Variants in DYNC2H1 observed in about 807,000 individuals in gnomAD.
DYNC2H1 encodes the protein dynein cytoplasmic 2 heavy chain 1, also known as cytoplasmic dynein 2 heavy chain 1.
A neutral mutation model predicts 570.0 loss-of-function variants in DYNC2H1; 410 were observed. The ratio of observed to expected loss-of-function variants is 0.72; its 90% CI spans 0.66 to 0.78. The LOEUF is 0.78. Ranked by LOEUF, DYNC2H1 falls within the 30% of genes least tolerant of loss-of-function variation. The probability of loss-of-function intolerance (pLI) is 0.00; values close to 1 mark genes in which losing one functional copy is unlikely to be tolerated. For missense variants in DYNC2H1, 4,865 were observed against 5,046.4 expected, an observed-to-expected ratio of 0.96 and a Z score of 1.09; for synonymous variants, 1,688 against 1,677.6, an observed-to-expected ratio of 1.01 and a Z score of -0.15.
chr11:103,167,013 A>AT (rs1467907197), intron 31 of DYNC2H1, among the ~76,000 whole-genome samples: 2 of 48,466 alleles, frequency 4.1e-5, no homozygotes, highest in African/African-American at 8.0e-5. Flanking sequence ...TTTTTTTTTG[A>AT]TTTTTCCTCT....
chr11:103,156,570 C>T lies in DYNC2H1; in HGVS notation c.3927C>T (p.Leu1309=), dbSNP rs1471816789. The change falls in exon 26 of 89, where the codon CTC becomes CTT. Residue 1309 remains leucine, a synonymous_variant. Coordinates refer to ENST00000375735, the MANE Select transcript of DYNC2H1 (RefSeq NM_001377.3). ...AGGTTGGAGATAATAGATGCCTTCT[C>T]CAATCCTTAAAGGATTCTCCTTATT... ...VNQVGDNRCL[L]QSLKDSPYYK... The T allele has an allele frequency of 1.9e-6, 3 of 1,613,506 alleles. No individual in the cohort carries two copies. The highest frequency in any genetic ancestry group is 3.3e-5 in the Admixed American group (2 of 59,962).
chr11:103,265,175 C>T (rs1865459961), intron 70 of DYNC2H1, among the ~76,000 whole-genome samples: 1 of 152,062 alleles, frequency 6.6e-6, no homozygotes, highest in African/African-American at 2.4e-5. Flanking sequence ...AACACATGGA[C>T]ACAGAGAGGG....
rs1565479868 is a variant in DYNC2H1 at position 103,304,644 on chromosome 11, A to C, written c.11306A>C (p.Glu3769Ala). The change falls in exon 77 of 89, where the codon GAA (glutamate) becomes GCA (alanine). Residue 3769 changes from glutamate to alanine, a missense_variant. Around this residue, in one of 5 missense-constraint regions of DYNC2H1, gnomAD observed 2,401 missense variants for 2,454.6 expected, o/e 0.98. Coordinates refer to ENST00000375735, the MANE Select transcript of DYNC2H1 (RefSeq NM_001377.3). ...QADLAIQMLK[E>A]CARNGDWLCL... ...GATTTAGCAATTCAAATGCTAAAAG[A>C]ATGTGCCCGCAATGGAGACTGGCTC... The C allele has an allele frequency of 6.2e-7, 1 of 1,613,338 alleles. No individual in the cohort carries two copies. The highest frequency in any genetic ancestry group is 1.3e-5 in the African/African-American group (1 of 74,896).
intron 75 of DYNC2H1, among the ~76,000 whole-genome samples, chr11:103,288,879 T>TAAAA (rs1866469430): frequency 1.2e-5 from 1 of 86,632 alleles, no homozygotes; most frequent in African/African-American, 5.0e-5. Context: ...AGACTCAATC[T>TAAAA]CAAAAAAAAA....
chr11:103,207,613 C>A (rs1199691187), intron 52 of DYNC2H1, among the ~76,000 whole-genome samples: 1 of 151,810 alleles, frequency 6.6e-6, no homozygotes, highest in East Asian at 1.9e-4. Flanking sequence ...TAAAGAGACA[C>A]AAGAAGACAT....
At position 103,325,987 on chromosome 11, in the gene DYNC2H1, G is replaced by A. The variant is rs1938448563; in HGVS notation, c.12039+1997G>A. The stretch of plus-strand genomic sequence containing the variant: ...CGTTCCTTTAACTCTGATGCAAGTT[G>A]GGTGCACTCAGTTGGGTTTGGTTTG... On this transcript the variant is annotated intron_variant, in intron 82 of 88. Transcript: ENST00000375735. The surrounding 1 kb of genome is among the most constrained non-coding windows in gnomAD (Gnocchi z 4.8). Among the ~76,000 whole-genome samples, 1 of 152,084 alleles carries A rather than the reference G, an allele frequency of 6.6e-6. No homozygotes were observed. Among genetic ancestry groups the A allele is most frequent in the Non-Finnish European group, 1.5e-5 (1 of 68,016 alleles).
intron 70 of DYNC2H1, among the ~76,000 whole-genome samples, chr11:103,278,860 C>T (rs1050038444): frequency 6.6e-6 from 1 of 150,876 alleles, no homozygotes; most frequent in Admixed American, 6.6e-5. Flanking sequence ...AGCCACCATG[C>T]CTGGCCCTGT....
chr11:103,114,097 A>G lies in DYNC2H1; in HGVS notation c.367-6A>G. 1 of 1,608,312 alleles carries G rather than the reference A, an allele frequency of 6.2e-7. No homozygotes were observed. The highest frequency in any genetic ancestry group is 1.1e-5 in the South Asian group (1 of 89,836). ...ATCTTGGTTGCTCTTGTCTGTTTTTATTTAGGATCAGGAATGGAGCAGAAA... is the reference window on the plus strand; with the variant it reads ...ATCTTGGTTGCTCTTGTCTGTTTTTGTTTAGGATCAGGAATGGAGCAGAAA... On this transcript the variant is annotated splice_polypyrimidine_tract_variant and splice_region_variant and intron_variant, in intron 2 of 88. Coordinates refer to ENST00000375735, the MANE Select transcript of DYNC2H1 (RefSeq NM_001377.3).
At chr11:103,125,808 CT>C (rs1858968007) in intron 12 of DYNC2H1, among the ~76,000 whole-genome samples, 1 of 152,326 alleles carries the variant, frequency 6.6e-6, no homozygotes, top group Non-Finnish European at 1.5e-5. Context: ...TGGTTTTGGC[CT>C]TTACTACTTA....
chr11:103,191,976 TCCA>T, intron 46 of DYNC2H1, 118 bp from the exon 47 acceptor site: 1 of 735,774 alleles, frequency 1.4e-6, no homozygotes, highest in Admixed American at 3.7e-5. Context: ...TTTCCTTTCT[TCCA>T]TTTATCTGAT....
rs1565389213 is a variant in DYNC2H1 at position 103,199,228 on chromosome 11, G to A, written c.7840G>A (p.Gly2614Ser). 2 of 1,522,888 alleles carry A rather than the reference G, an allele frequency of 1.3e-6. No individual in the cohort carries two copies. Among genetic ancestry groups the A allele is most frequent in the Non-Finnish European group, 1.8e-6 (2 of 1,126,324 alleles). The allele number at this position is 1,522,888 out of a possible 1,614,324, so 94.3% of individuals were successfully genotyped here. A position where few individuals can be genotyped will look rare whatever the true frequency, so the allele number is the denominator to read the frequency against. ...STDLKDVIKK[G>S]LIHYGRDNQN... ...TAAAATATTCTGATTTTTTTAAAAG[G>A]GTCTTATTCATTATGGACGAGATAA... The change falls in exon 49 of 89, where the codon GGT (glycine) becomes AGT (serine). Residue 2614 changes from glycine (G) to serine (S), a missense_variant and splice_region_variant. By Grantham distance (56) the Gly-to-Ser change is moderately conservative. Around this residue, in one of 5 missense-constraint regions of DYNC2H1, gnomAD observed 2,401 missense variants for 2,454.6 expected, o/e 0.98. Transcript: ENST00000375735. The surrounding 1 kb of genome is among the most constrained non-coding windows in gnomAD (Gnocchi z 4.6).
intron 59 of DYNC2H1, among the ~76,000 whole-genome samples, chr11:103,226,053 C>A (rs567508074): frequency 6.6e-6 from 1 of 151,978 alleles, no homozygotes; most frequent in East Asian, 1.9e-4. Context: ...GATTTGTGTA[C>A]ATGAATTTTA....
intron 83 of DYNC2H1, among the ~76,000 whole-genome samples, chr11:103,399,459 A>G (rs940244800): frequency 1.3e-5 from 2 of 152,028 alleles, no homozygotes; most frequent in Non-Finnish European, 2.9e-5. Context: ...CCTGGCCCAC[A>G]CACCGCTTTA....
chr11:103,112,488 T>C (rs542820736), intron 1 of DYNC2H1, among the ~76,000 whole-genome samples: 84 of 152,308 alleles, frequency 5.5e-4, no homozygotes, highest in African/African-American at 1.9e-3. Flanking sequence ...AACTTGGCCT[T>C]TGTAGTGTGA....
intron 15 of DYNC2H1, among the ~76,000 whole-genome samples, chr11:103,135,108 T>C (rs941196174): frequency 6.6e-6 from 1 of 152,092 alleles, no homozygotes; most frequent in African/African-American, 2.4e-5. Context: ...TAGATTTACA[T>C]TATGTAAGAA....
At chr11:103,412,527 AAATT>A (rs1285152500) in intron 84 of DYNC2H1, among the ~76,000 whole-genome samples, 5 of 152,288 alleles carry the variant, frequency 3.3e-5, no homozygotes, top group East Asian at 1.9e-4. Flanking sequence ...ATTTTAGTAG[AAATT>A]AATAGGTTGT....
chr11:103,314,749 A>G (rs1240925509), intron 79 of DYNC2H1, among the ~76,000 whole-genome samples: 1 of 151,918 alleles, frequency 6.6e-6, no homozygotes, highest in Non-Finnish European at 1.5e-5. Flanking sequence ...TATACCTATG[A>G]CATGGTCTCT....
In DYNC2H1 at chr11:103,215,788, A is replaced by G. The variant is rs748706351; in HGVS notation, c.8762A>G (p.Gln2921Arg). The G allele has an allele frequency of 1.9e-6, 3 of 1,612,392 alleles. No individual in the cohort carries two copies. The highest frequency in any genetic ancestry group is 1.3e-5 in the African/African-American group (1 of 74,922). The change falls in exon 55 of 89, where the codon CAA becomes CGA. Residue 2921 changes from glutamine to arginine, a missense_variant. Gln to Arg is a conservative substitution (Grantham distance 43). Coordinates refer to ENST00000375735, the MANE Select transcript of DYNC2H1 (RefSeq NM_001377.3). Reference sequence around the variant, plus strand: ...GAACTGAACAGAAAAGCTGGAGAACAAAGTGTGTTACTTAAAACGAAGCAA... The same window carrying G: ...GAACTGAACAGAAAAGCTGGAGAACGAAGTGTGTTACTTAAAACGAAGCAA... Reference protein sequence around the residue: ...VDELNRKAGEQSVLLKTKQDE... With the variant: ...VDELNRKAGERSVLLKTKQDE...
In DYNC2H1 at chr11:103,323,922, G is replaced by A. The variant is rs778802965; in HGVS notation, c.11971G>A (p.Asp3991Asn). The stretch of plus-strand genomic sequence containing the variant: ...TGTCATTGAGAAAATTCCAGAGGAC[G>A]ACAAACCTAGTTTCTTTGGTCTGCC... ...RAVIEKIPED[D>N]KPSFFGLPAN... Residue 3991 changes from aspartate (D) to asparagine (N), a missense_variant, in exon 82 of 89, where the codon GAC (aspartate) becomes AAC (asparagine). Around this residue, in one of 5 missense-constraint regions of DYNC2H1, gnomAD observed 2,401 missense variants for 2,454.6 expected, o/e 0.98. Coordinates refer to ENST00000375735, the MANE Select transcript of DYNC2H1 (RefSeq NM_001377.3). 2.0e-5 allele frequency: 32 copies of A among 1,612,368 alleles called. No homozygotes were observed. Among genetic ancestry groups the A allele is most frequent in the Admixed American group, 3.3e-5 (2 of 59,962 alleles).
Sources: allele counts gnomAD v4.1 joint callset (sites outside exome capture counted in the v4.1 genomes callset), GRCh38; gene constraint gnomAD v4.1.1; regional missense constraint gnomAD v4.1.1; non-coding constraint Gnocchi (gnomAD v3.1); transcripts MANE v1.5; gene names NCBI Gene and HGNC (gene_info 2026-07-23, HGNC 2026-07-21).